The following LPP variants were observed in gnomAD, a reference collection of about 807,000 sequenced individuals.
LPP encodes lipoma-preferred partner.
LPP carries 38 observed loss-of-function variants against 60.4 expected under a neutral mutation model. The observed-to-expected ratio is 0.63, with a 90% CI of 0.49 to 0.83. LPP has a LOEUF of 0.83. Ranked by LOEUF, LPP falls within the 40% of genes least tolerant of loss-of-function variation. The pLI is 0.00. For missense variants in LPP, 902 were observed against 783.6 expected, an observed-to-expected ratio of 1.15 and a Z score of -1.80; for synonymous variants, 328 against 290.8, an observed-to-expected ratio of 1.13 and a Z score of -1.30.
intron 9 of LPP, among the ~76,000 whole-genome samples, chr3:188,770,110 A>G (rs77258379): frequency 0.022 from 3,380 of 151,898 alleles, 109 homozygotes; most frequent in African/African-American, 0.072. Context: ...TAGAGATAAA[A>G]GGACAGAAAG....
chr3:188,250,945 TTCCCTTCC>T (rs1729300003), intron 2 of LPP, among the ~76,000 whole-genome samples: 1 of 26,398 alleles, frequency 3.8e-5, no homozygotes, highest in Non-Finnish European at 7.0e-5. Flanking sequence ...TTCCCTTCCC[TTCCCTTCC>T]CTTCCCTTCC....
chr3:188,440,320 G>C lies in LPP; in HGVS notation c.193+34007G>C, dbSNP rs556256887. On this transcript the variant is annotated intron_variant, in intron 4 of 11. Transcript: ENST00000617246. ...GAATAATAACCATTTCTACTTCCTA[G>C]GTTGTTGTCAAGGTTAAGTATTATA... 2.0e-5 allele frequency among the ~76,000 whole-genome samples: 3 copies of C among 152,204 alleles called. No homozygotes were observed. In the South Asian group the frequency reaches 6.2e-4, roughly 32 times the overall value.
At chr3:188,288,307 C>T (rs1018651965) in intron 2 of LPP, among the ~76,000 whole-genome samples, 3 of 152,164 alleles carry the variant, frequency 2.0e-5, no homozygotes, top group African/African-American at 7.2e-5. Context: ...TTGGAACAAA[C>T]GGGTAGTAAC....
intron 4 of LPP, among the ~76,000 whole-genome samples, chr3:188,432,350 G>C (rs577740543): frequency 4.8e-4 from 73 of 152,100 alleles, no homozygotes; most frequent in Non-Finnish European, 9.9e-4. Context: ...TGTATACAGC[G>C]ATAGCTATCA....
chr3:188,801,523 C>A (rs1359360503), intron 9 of LPP, among the ~76,000 whole-genome samples: 1 of 152,090 alleles, frequency 6.6e-6, no homozygotes, highest in Non-Finnish European at 1.5e-5. Context: ...TCTGAGAACT[C>A]CTCTGACTCA....
chr3:188,350,341 C>G (rs989225365), intron 3 of LPP, among the ~76,000 whole-genome samples: 6 of 152,106 alleles, frequency 3.9e-5, no homozygotes, highest in African/African-American at 1.4e-4. Flanking sequence ...GAACTAGGGA[C>G]AAGAGCTGGC....
intron 2 of LPP, among the ~76,000 whole-genome samples, chr3:188,339,306 G>A (rs1346910763): frequency 6.6e-6 from 1 of 152,180 alleles, no homozygotes; most frequent in East Asian, 1.9e-4. Context: ...AGCTACTCAG[G>A]ACACATGCCA....
At chr3:188,228,362 A>C (rs566121648) in intron 2 of LPP, among the ~76,000 whole-genome samples, 40 of 152,264 alleles carry the variant, frequency 2.6e-4, no homozygotes, top group African/African-American at 8.7e-4. Context: ...GGATAGAATA[A>C]ATCTGAAGGA....
At chr3:188,860,419 C>G (rs983259007) in intron 9 of LPP, among the ~76,000 whole-genome samples, 7 of 152,002 alleles carry the variant, frequency 4.6e-5, no homozygotes, top group African/African-American at 1.7e-4. Context: ...TTTTCACATC[C>G]CAGTTCATGT....
intron 7 of LPP, among the ~76,000 whole-genome samples, chr3:188,670,052 A>G (rs1308748500): frequency 6.6e-6 from 1 of 152,174 alleles, no homozygotes; most frequent in Non-Finnish European, 1.5e-5. Flanking sequence ...GAATTGAACA[A>G]TGAGAACACT....
chr3:188,371,641 A>ATATAT lies in LPP; in HGVS notation c.-10+29923_-10+29924insATATT, dbSNP rs1553878071. ...AATATATATATATATATATATATAT[A>ATATAT]TTTTTTTTTTTTTTTTTTTTTTTTT... On this transcript the variant is annotated intron_variant, in intron 3 of 11. Transcript: ENST00000617246. Among the ~76,000 whole-genome samples the ATATAT allele has an allele frequency of 3.3e-3, 105 of 32,202 alleles. 6 individuals are homozygous for ATATAT. The highest frequency in any genetic ancestry group is 4.5e-3 in the Admixed American group (7 of 1,556). The allele number at this position is 32,202 out of a possible 152,430, so 21.1% of individuals were successfully genotyped here.
chr3:188,520,879 T>G (rs79512496), intron 5 of LPP, among the ~76,000 whole-genome samples: 1,625 of 152,286 alleles, frequency 0.011, 30 homozygotes, highest in African/African-American at 0.037. Context: ...GTCAGGTAAC[T>G]AGCACAGCTA....
intron 7 of LPP, among the ~76,000 whole-genome samples, chr3:188,675,784 C>T (rs1217203893): frequency 6.6e-6 from 1 of 152,136 alleles, no homozygotes; most frequent in African/African-American, 2.4e-5. Context: ...ATATATTAAC[C>T]ATTTTAATAT....
In LPP at chr3:188,363,905, CAAAAAA is replaced by C. The variant is rs541715135; in HGVS notation, c.-10+22204_-10+22209del. Reference sequence around the variant, plus strand: ...GGACGAAAGAGTGAAAACTCCCTCCCAAAAAAAAAAAAAAAAAAAAAAATACTATGT... The same window carrying C: ...GGACGAAAGAGTGAAAACTCCCTCCCAAAAAAAAAAAAAAAAATACTATGT... On this transcript the variant is annotated intron_variant, in intron 3 of 11. Coordinates refer to ENST00000617246, the MANE Select transcript of LPP (RefSeq NM_001375462.1). Among the ~76,000 whole-genome samples the C allele has an allele frequency of 2.4e-3, 235 of 96,912 alleles. 1 individual carries two copies. The highest frequency in any genetic ancestry group is 0.014 in the Middle Eastern group (2 of 148). The allele number at this position is 96,912 out of a possible 152,430, so 63.6% of individuals were successfully genotyped here. A position where few individuals can be genotyped will look rare whatever the true frequency, so the allele number is the denominator to read the frequency against.
At chr3:188,326,726 T>C (rs140501919) in intron 2 of LPP, among the ~76,000 whole-genome samples, 14 of 152,344 alleles carry the variant, frequency 9.2e-5, no homozygotes, top group African/African-American at 3.1e-4. Context: ...TTTATATATT[T>C]ATAAAGACAT....
intron 2 of LPP, among the ~76,000 whole-genome samples, chr3:188,335,077 A>G (rs920188010): frequency 6.6e-6 from 1 of 152,212 alleles, no homozygotes; most frequent in African/African-American, 2.4e-5. Context: ...TATCTTGAAT[A>G]AAAGTGGTAA....
Position 188,562,696 on chromosome 3 carries a change from T to A in LPP, c.429+37909T>A, listed in dbSNP as rs1050202080. Among the ~76,000 whole-genome samples the A allele has an allele frequency of 3.3e-5, 5 of 152,062 alleles. No homozygotes were observed. The East Asian group carries it at 9.7e-4, about 30-fold the overall frequency. On this transcript the variant is annotated intron_variant, in intron 6 of 11. Transcript: ENST00000617246. ...TCCTTTTCTCTCCCCTTCATGTTTG[T>A]TAGTTTGGGAAAGAAGCAGTTTTAT... is the stretch of plus-strand genomic sequence containing the variant.
intron 7 of LPP, among the ~76,000 whole-genome samples, chr3:188,661,966 G>T (rs1854677217): frequency 6.6e-6 from 1 of 152,192 alleles, no homozygotes; most frequent in African/African-American, 2.4e-5. Flanking sequence ...TCAAGCTTTT[G>T]ACTGTTATTG....
intron 1 of LPP, among the ~76,000 whole-genome samples, chr3:188,176,877 C>T (rs1723187960): frequency 6.6e-6 from 1 of 152,174 alleles, no homozygotes; most frequent in Non-Finnish European, 1.5e-5. Context: ...AGTGGAAAAA[C>T]ACAAGGCTTA....
Sources: allele counts gnomAD v4.1 joint callset (sites outside exome capture counted in the v4.1 genomes callset), GRCh38; gene constraint gnomAD v4.1.1; transcripts MANE v1.5; gene names NCBI Gene and HGNC (gene_info 2026-07-23, HGNC 2026-07-21).